CACNA1C: variants seen among roughly 807,000 people sequenced by gnomAD.
The protein encoded by CACNA1C is voltage-dependent L-type calcium channel subunit alpha-1C.
In CACNA1C, 30 loss-of-function variants were observed where a neutral mutation model predicts 229.0. The observed-to-expected ratio is 0.13, with a 90% CI of 0.10 to 0.18. CACNA1C has a LOEUF of 0.18. CACNA1C is among the 10% of genes least tolerant of loss of function. The probability of loss-of-function intolerance (pLI) is 1.00; values close to 1 mark genes in which losing one functional copy is unlikely to be tolerated. For synonymous variants in CACNA1C, 1,114 were observed against 1,132.5 expected, an observed-to-expected ratio of 0.98 and a Z score of 0.33; for missense variants, 1,658 against 2,845.0, an observed-to-expected ratio of 0.58 and a Z score of 9.49.
In CACNA1C at chr12:2,346,995, G is replaced by A. The variant is rs1339276796; in HGVS notation, c.478-101981G>A. 1.3e-5 allele frequency among the ~76,000 whole-genome samples: 2 copies of A among 152,158 alleles called. No individual in the cohort carries two copies. Among genetic ancestry groups the A allele is most frequent in the Non-Finnish European group, 2.9e-5 (2 of 68,032 alleles). On this transcript the variant is annotated intron_variant, in intron 3 of 46. Transcript: ENST00000399655. This position sits in a 1 kb window ranked among gnomAD's most constrained non-coding sequence, Gnocchi z 4.4. ...GGGGCCACAGACCTTACAGGACTAA[G>A]AGGCCATCTGACCCCCTTTCAATGA...
chr12:2,610,285 T>C (rs943949900), intron 27 of CACNA1C, among the ~76,000 whole-genome samples: 2 of 152,184 alleles, frequency 1.3e-5, no homozygotes, highest in African/African-American at 4.8e-5. Context: ...GTATGGTCCC[T>C]GCCTAGGACC....
intron 1 of CACNA1C, among the ~76,000 whole-genome samples, chr12:2,070,673 T>C (rs2060845912): frequency 6.6e-6 from 1 of 152,204 alleles, no homozygotes; most frequent in South Asian, 2.1e-4. Flanking sequence ...TATTCTAATT[T>C]TTGAAAAGAT....
chr12:2,210,040 C>T (rs1471841961), intron 3 of CACNA1C, among the ~76,000 whole-genome samples: 1 of 152,212 alleles, frequency 6.6e-6, no homozygotes, highest in Non-Finnish European at 1.5e-5. Context: ...GATGCTTATC[C>T]TTTTCTCCAG....
rs1316094144 is a variant in CACNA1C, at chr12:2,488,641, G to A, written c.916+2379G>A. On this transcript the variant is annotated intron_variant, in intron 6 of 46. Transcript: ENST00000399655. This position sits in a 1 kb window ranked among gnomAD's most constrained non-coding sequence, Gnocchi z 4.0. ...CTTTGCCTGCAAGTTCAGAAGAGAA[G>A]TAGGCTCCCATCACAGAAATGGCCA... Among the ~76,000 whole-genome samples, 1 of 152,224 alleles carries A rather than the reference G, an allele frequency of 6.6e-6. No individual in the cohort carries two copies. The highest frequency in any genetic ancestry group is 6.5e-5 in the Admixed American group (1 of 15,290).
chr12:2,247,624 G>T (rs1294636338), intron 3 of CACNA1C, among the ~76,000 whole-genome samples: 1 of 152,160 alleles, frequency 6.6e-6, no homozygotes, highest in Non-Finnish European at 1.5e-5. Flanking sequence ...AGACTTCCTG[G>T]TCCCTCCTCA....
intron 1 of CACNA1C, among the ~76,000 whole-genome samples, chr12:2,038,915 C>CA (rs141801846): frequency 0.056 from 7,879 of 141,466 alleles, 265 homozygotes; most frequent in Middle Eastern, 0.08. Flanking sequence ...TAAATTTTGT[C>CA]AAAAAAAAAA....
chr12:1,998,054 T>C (rs2041351576), intron 1 of CACNA1C: 5 of 1,314,924 alleles, frequency 3.8e-6, no homozygotes, highest in Non-Finnish European at 5.3e-6. Context: ...TCTCATAGAA[T>C]AGGAATTATA....
intron 3 of CACNA1C, among the ~76,000 whole-genome samples, chr12:2,415,230 G>A (rs1409102491): frequency 1.3e-5 from 2 of 152,172 alleles, no homozygotes; most frequent in Admixed American, 1.3e-4. Flanking sequence ...TTCCTCTCTA[G>A]TAATTTTTGC....
chr12:2,027,985 C>G (rs576705769), intron 1 of CACNA1C, among the ~76,000 whole-genome samples: 1 of 152,296 alleles, frequency 6.6e-6, no homozygotes, highest in Admixed American at 6.5e-5. Flanking sequence ...ACATCCTTAT[C>G]CGTCCTTGGT....
intron 3 of CACNA1C, among the ~76,000 whole-genome samples, chr12:2,238,417 G>T (rs1566599694): frequency 6.6e-6 from 1 of 152,176 alleles, no homozygotes; most frequent in Non-Finnish European, 1.5e-5. Context: ...CTGCAGACTC[G>T]GAAGTTTCTC....
intron 13 of CACNA1C, among the ~76,000 whole-genome samples, chr12:2,573,314 C>T (rs1443228877): frequency 6.6e-6 from 1 of 152,162 alleles, no homozygotes; most frequent in East Asian, 1.9e-4. Flanking sequence ...ACCACCTTGC[C>T]CAGCCAAAAA....
intron 3 of CACNA1C, among the ~76,000 whole-genome samples, chr12:2,139,577 C>T (rs755522249): frequency 6.6e-6 from 1 of 151,068 alleles, no homozygotes; most frequent in African/African-American, 2.4e-5. Context: ...AGTGTGGATG[C>T]TGGTCCTGAC....
At chr12:2,641,982 CTTG>C (rs72172005) in intron 30 of CACNA1C, among the ~76,000 whole-genome samples, 2,155 of 152,176 alleles carry the variant, frequency 0.014, 51 homozygotes, top group African/African-American at 0.049. Flanking sequence ...TAGGGCGAGG[CTTG>C]TTGTGTGAAC....
intron 38 of CACNA1C, among the ~76,000 whole-genome samples, chr12:2,673,109 C>T (rs192559781): frequency 1.6e-3 from 245 of 152,322 alleles, no homozygotes; most frequent in Non-Finnish European, 2.0e-3. Context: ...CGGTCCTATG[C>T]GAGAGCAGTA....
At chr12:2,259,412 TA>T (rs1197680316) in intron 3 of CACNA1C, among the ~76,000 whole-genome samples, 3 of 152,322 alleles carry the variant, frequency 2.0e-5, no homozygotes, top group South Asian at 4.1e-4. Flanking sequence ...TTCAAAATGC[TA>T]ATGAGGAAAA....
Position 2,605,792 on chromosome 12 carries a change from G to C in CACNA1C, c.3156+6G>C, listed in dbSNP as rs398123520. On this transcript the variant is annotated splice_donor_region_variant and intron_variant, in intron 24 of 46. Transcript: ENST00000399655. This position sits in a 1 kb window ranked among gnomAD's most constrained non-coding sequence, Gnocchi z 6.2. ...TCGGGGTCCAGCTCTTCAAGGTAAA[G>C]TCTGGGCTCCGTTGTGGTCCTCCTA... 1.3e-5 allele frequency: 21 copies of C among 1,595,130 alleles called. No individual in the cohort carries two copies. The highest frequency in any genetic ancestry group is 3.3e-4 in the Middle Eastern group (2 of 6,050).
intron 1 of CACNA1C, among the ~76,000 whole-genome samples, chr12:1,978,942 G>T (rs1394022891): frequency 6.6e-6 from 1 of 152,096 alleles, no homozygotes; most frequent in East Asian, 1.9e-4. Flanking sequence ...ACTATTAATG[G>T]GTATCCAGGT....
At chr12:2,361,712 C>T (rs1366514360) in intron 3 of CACNA1C, among the ~76,000 whole-genome samples, 3 of 152,202 alleles carry the variant, frequency 2.0e-5, no homozygotes, top group African/African-American at 7.2e-5. Context: ...AAAAATAAAG[C>T]CACTATTATC....
At chr12:2,680,238 G>C in intron 42 of CACNA1C, 1 of 682,202 alleles carries the variant, frequency 1.5e-6, no homozygotes, top group South Asian at 2.3e-5. Flanking sequence ...GGCATCCCCT[G>C]TGGGAGGCGC....
Sources: allele counts gnomAD v4.1 joint callset (sites outside exome capture counted in the v4.1 genomes callset), GRCh38; gene constraint gnomAD v4.1.1; non-coding constraint Gnocchi (gnomAD v3.1); transcripts MANE v1.5; gene names NCBI Gene and HGNC (gene_info 2026-07-23, HGNC 2026-07-21).